IKZF2: variants seen among roughly 807,000 people sequenced by gnomAD.
The protein encoded by IKZF2 is IKAROS family zinc finger 2, also known as zinc finger protein Helios.
A neutral mutation model predicts 49.2 loss-of-function variants in IKZF2; 15 were observed. That is an observed-to-expected ratio of 0.30 (90% CI 0.20 to 0.47). The LOEUF is 0.47. Ranked by LOEUF, IKZF2 falls within the 20% of genes least tolerant of loss-of-function variation. The pLI, the probability that IKZF2 is intolerant of heterozygous loss-of-function variation, is 1.00. For missense variants in IKZF2, 567 were observed against 664.6 expected (o/e 0.85, Z 1.61); for synonymous variants, 227 against 221.4 (o/e 1.03, Z -0.23).
At chr2:213,029,912 G>C (rs1459143209) in intron 6 of IKZF2, among the ~76,000 whole-genome samples, 1 of 152,080 alleles carries the variant, frequency 6.6e-6, no homozygotes, top group Admixed American at 6.5e-5. Flanking sequence ...AATGTAATTT[G>C]TATTTCTTTT....
intron 4 of IKZF2, among the ~76,000 whole-genome samples, chr2:213,099,304 G>C (rs1706375642): frequency 6.6e-6 from 1 of 152,124 alleles, no homozygotes; most frequent in Admixed American, 6.6e-5. Flanking sequence ...CATGATTCCT[G>C]AAAGTTGAGT....
At chr2:213,053,480 G>A (rs1367791582) in intron 5 of IKZF2, among the ~76,000 whole-genome samples, 2 of 152,006 alleles carry the variant, frequency 1.3e-5, no homozygotes, top group Non-Finnish European at 2.9e-5. Context: ...ACTTGCTTTG[G>A]TGAATCAAAG....
At chr2:213,107,569 C>T (rs2059575196) in intron 4 of IKZF2, among the ~76,000 whole-genome samples, 1 of 152,188 alleles carries the variant, frequency 6.6e-6, no homozygotes, top group African/African-American at 2.4e-5. Flanking sequence ...GTATGTAAAT[C>T]ATGGTTCAAG....
intron 4 of IKZF2, among the ~76,000 whole-genome samples, chr2:213,103,250 TAGAG>T (rs1054471747): frequency 3.3e-4 from 50 of 152,264 alleles, no homozygotes; most frequent in South Asian, 2.1e-4. Context: ...TAAATGATGA[TAGAG>T]AGACCAACAG....
rs147170652 is a variant in IKZF2 at position 213,142,260 on chromosome 2, T to C, written c.139+5448A>G. On this transcript the variant is annotated intron_variant, in intron 4 of 8. Transcript: ENST00000434687. ...CCAATTCTGACATATAGACAAACTC[T>C]ATTTCTTTCTTAACCAAAATCTTCA... Among the ~76,000 whole-genome samples, 627 of 152,038 alleles carry C rather than the reference T, an allele frequency of 4.1e-3. 3 individuals carry two copies. Among genetic ancestry groups the C allele is most frequent in the Middle Eastern group, 0.017 (5 of 294 alleles).
upstream of IKZF2, among the ~76,000 whole-genome samples, chr2:213,151,766 A>G (rs1285780290): frequency 1.4e-5 from 2 of 145,518 alleles, no homozygotes; most frequent in African/African-American, 5.0e-5. Context: ...CGGGCAGCGG[A>G]GCCCCGGGCG....
intron 5 of IKZF2, among the ~76,000 whole-genome samples, chr2:213,055,741 T>C (rs1215712993): frequency 6.6e-6 from 1 of 152,120 alleles, no homozygotes; most frequent in Non-Finnish European, 1.5e-5. Flanking sequence ...GACAAATCAC[T>C]TGACTATTTC....
intron 4 of IKZF2, among the ~76,000 whole-genome samples, chr2:213,057,513 A>G (rs1701275088): frequency 6.6e-6 from 1 of 152,172 alleles, no homozygotes; most frequent in South Asian, 2.1e-4. Context: ...AATGATCATT[A>G]TGTATACTTC....
chr2:213,002,889 CA>C lies in IKZF2; in HGVS notation c.*4470del, dbSNP rs1290948527. ...TACAGAACTTATTCTTCCTTAAAAA[CA>C]AAACAAAAACACAAATTATAATTCA... is the stretch of plus-strand genomic sequence containing the variant. On this transcript the variant is annotated 3_prime_UTR_variant, in exon 9 of 9. Transcript: ENST00000434687. 2.6e-5 allele frequency: 4 copies of C among 151,784 alleles called. No homozygotes were observed. Among genetic ancestry groups the C allele is most frequent in the Non-Finnish European group, 5.9e-5 (4 of 67,540 alleles). 9.4% of individuals were successfully genotyped at this position (151,784 alleles called of 1,614,324 possible). A position where few individuals can be genotyped will look rare whatever the true frequency, so the allele number is the denominator to read the frequency against.
At chr2:213,124,238 G>GCT (rs1214854180) in intron 4 of IKZF2, among the ~76,000 whole-genome samples, 2 of 117,374 alleles carry the variant, frequency 1.7e-5, no homozygotes, top group African/African-American at 8.3e-5. Context: ...GCACACATGC[G>GCT]CTCGCGCGCG....
intron 4 of IKZF2, among the ~76,000 whole-genome samples, chr2:213,085,178 T>C (rs865825308): frequency 6.6e-6 from 1 of 152,208 alleles, no homozygotes; most frequent in Non-Finnish European, 1.5e-5. Context: ...TAGAAACAGA[T>C]GATGTTAAAA....
intron 4 of IKZF2, among the ~76,000 whole-genome samples, chr2:213,092,707 A>G (rs1348421633): frequency 6.6e-6 from 1 of 152,158 alleles, no homozygotes; most frequent in Non-Finnish European, 1.5e-5. Context: ...ATGACAGCAT[A>G]TACAAAATTT....
intron 4 of IKZF2, among the ~76,000 whole-genome samples, chr2:213,070,748 AGT>A (rs916072310): frequency 2.0e-4 from 31 of 152,124 alleles, no homozygotes; most frequent in African/African-American, 7.2e-4. Context: ...TGCAAAATAC[AGT>A]GTTTGAGAGG....
chr2:213,050,198 G>T (rs1700547856), intron 5 of IKZF2, among the ~76,000 whole-genome samples: 1 of 152,092 alleles, frequency 6.6e-6, no homozygotes, highest in African/African-American at 2.4e-5. Flanking sequence ...CACACAATTG[G>T]ATGCTTTCCA....
intron 6 of IKZF2, among the ~76,000 whole-genome samples, chr2:213,045,391 T>C (rs1700055030): frequency 6.6e-6 from 1 of 152,204 alleles, no homozygotes; most frequent in Non-Finnish European, 1.5e-5. Context: ...GTAATTTGTA[T>C]AACAAAGATA....
chr2:213,102,680 G>C (rs748976861), intron 4 of IKZF2, among the ~76,000 whole-genome samples: 8 of 151,824 alleles, frequency 5.3e-5, no homozygotes, highest in South Asian at 2.1e-4. Flanking sequence ...AAAGGAAGGG[G>C]GGGGGTCTCA....
intron 5 of IKZF2, among the ~76,000 whole-genome samples, chr2:213,055,628 T>C (rs1385767651): frequency 1.3e-5 from 2 of 152,046 alleles, no homozygotes; most frequent in African/African-American, 4.8e-5. Flanking sequence ...ATTCTTGGTA[T>C]ACTGACATAC....
At chr2:213,104,347 T>A (rs1314147638) in intron 4 of IKZF2, among the ~76,000 whole-genome samples, 3 of 152,076 alleles carry the variant, frequency 2.0e-5, no homozygotes, top group Non-Finnish European at 4.4e-5. Context: ...CTCAGCCCAT[T>A]CCTTAACAAA....
rs1695300688 is a variant in IKZF2 at position 213,005,874 on chromosome 2, T to G, written c.*1486A>C. 2.0e-5 allele frequency: 3 copies of G among 152,204 alleles called. No individual in the cohort carries two copies. The highest frequency in any genetic ancestry group is 7.2e-5 in the African/African-American group (3 of 41,556). 9.4% of individuals were successfully genotyped at this position (152,204 alleles called of 1,614,324 possible). A position where few individuals can be genotyped will look rare whatever the true frequency, so the allele number is the denominator to read the frequency against. On this transcript the variant is annotated 3_prime_UTR_variant, in exon 9 of 9. Coordinates refer to ENST00000434687, the MANE Select transcript of IKZF2 (RefSeq NM_001387220.1). ...GCAACCTATACCATGTAAGGGGAAT[T>G]CTATACTAAGGGATTGAGATTCATT... is the stretch of plus-strand genomic sequence containing the variant.
Sources: allele counts gnomAD v4.1 joint callset (sites outside exome capture counted in the v4.1 genomes callset), GRCh38; gene constraint gnomAD v4.1.1; transcripts MANE v1.5; gene names NCBI Gene and HGNC (gene_info 2026-07-23, HGNC 2026-07-21).